Variants in RNF146 observed in about 807,000 individuals in gnomAD.
RNF146 encodes ring finger protein 146.
Under a neutral mutation model 29.7 loss-of-function variants are expected in RNF146, and 11 were observed. The ratio of observed to expected loss-of-function variants is 0.37; its 90% CI spans 0.23 to 0.61. The LOEUF is 0.61. Ranked by LOEUF, RNF146 falls within the 20% of genes least tolerant of loss-of-function variation. RNF146 has a pLI of 0.66. For synonymous variants in RNF146, 150 were observed against 159.7 expected, an observed-to-expected ratio of 0.94 and a Z score of 0.46; for missense variants, 342 against 438.9, an observed-to-expected ratio of 0.78 and a Z score of 1.97.
intron 2 of RNF146, among the ~76,000 whole-genome samples, chr6:127,284,760 G>A (rs570894864): frequency 2.0e-5 from 3 of 151,902 alleles, no homozygotes; most frequent in Non-Finnish European, 2.9e-5. Flanking sequence ...ATACTAAGAC[G>A]TCCTATTAGG....
At position 127,276,124 on chromosome 6, in the gene RNF146, T is replaced by C. The variant is rs564782754; in HGVS notation, c.-108-4107T>C. Among the ~76,000 whole-genome samples, 6 of 151,994 alleles carry C rather than the reference T, an allele frequency of 3.9e-5. No individual in the cohort carries two copies. The South Asian group carries it at 1.2e-3, about 32-fold the overall frequency. On this transcript the variant is annotated intron_variant, in intron 1 of 2. Coordinates refer to ENST00000368314, the MANE Select transcript of RNF146 (RefSeq NM_001242850.2). Reference sequence around the variant, plus strand: ...AGTGAGCTATGATCATGCCACAGCATTCTAGCCTGGGAAACAGACTGTAGA... The same window carrying C: ...AGTGAGCTATGATCATGCCACAGCACTCTAGCCTGGGAAACAGACTGTAGA...
At chr6:127,281,296 T>C (rs1456901553) in intron 2 of RNF146, among the ~76,000 whole-genome samples, 1 of 151,784 alleles carries the variant, frequency 6.6e-6, no homozygotes, top group Non-Finnish European at 1.5e-5. Flanking sequence ...TCCATTTATC[T>C]ATCTGTATAC....
intron 1 of RNF146, among the ~76,000 whole-genome samples, chr6:127,269,762 TCACA>T (rs1305661195): frequency 1.3e-5 from 2 of 152,310 alleles, no homozygotes; most frequent in Admixed American, 1.3e-4. Flanking sequence ...GTCTGCTAAC[TCACA>T]CCTGATTTAT....
intron 1 of RNF146, among the ~76,000 whole-genome samples, chr6:127,274,418 C>T (rs930464332): frequency 2.6e-5 from 4 of 151,222 alleles, no homozygotes; most frequent in Non-Finnish European, 4.4e-5. Context: ...ATGGATAAGA[C>T]CTAAGTAAAG....
chr6:127,278,343 G>A (rs1275217200), intron 1 of RNF146, among the ~76,000 whole-genome samples: 2 of 151,922 alleles, frequency 1.3e-5, no homozygotes, highest in Middle Eastern at 3.4e-3. Context: ...CAGAAACTCT[G>A]TACCCATTAG....
At chr6:127,272,238 AC>A (rs1208482734) in intron 1 of RNF146, among the ~76,000 whole-genome samples, 2 of 152,072 alleles carry the variant, frequency 1.3e-5, no homozygotes, top group Non-Finnish European at 2.9e-5. Flanking sequence ...GTAGTGTTTC[AC>A]TAACTAATAT....
At chr6:127,268,212 C>T (rs1776942102) in intron 1 of RNF146, among the ~76,000 whole-genome samples, 1 of 152,132 alleles carries the variant, frequency 6.6e-6, no homozygotes, top group Non-Finnish European at 1.5e-5. Flanking sequence ...TCCCCCCCAC[C>T]TCGTGTGTGT....
rs888826825 is a variant in RNF146 at position 127,286,793 on chromosome 6, T to C, written c.180T>C (p.Cys60=). Residue 60 remains cysteine, a synonymous_variant, in exon 3 of 3, where the codon TGT becomes TGC. Coordinates refer to ENST00000368314, the MANE Select transcript of RNF146 (RefSeq NM_001242850.2). The surrounding 1 kb of genome is among the most constrained non-coding windows in gnomAD (Gnocchi z 4.6). ...GTAAGCACGTTTTCTGCTATCTATGTGTAAAAGGAGCTTCATGGCTTGGAA... is the reference window on the plus strand; with the variant it reads ...GTAAGCACGTTTTCTGCTATCTATGCGTAAAAGGAGCTTCATGGCTTGGAA... ...LPCKHVFCYL[C]VKGASWLGKR... is the part of the protein sequence containing the mutation. The C allele has an allele frequency of 6.2e-7, 1 of 1,613,334 alleles. No individual in the cohort carries two copies. Among genetic ancestry groups the C allele is most frequent in the Non-Finnish European group, 8.5e-7 (1 of 1,179,580 alleles).
chr6:127,280,671 C>G, intron 2 of RNF146: 1 of 586,526 alleles, frequency 1.7e-6, no homozygotes, highest in Non-Finnish European at 2.2e-6. Flanking sequence ...GCAAGTAGTA[C>G]TAGCTTTTGT....
At position 127,285,529 on chromosome 6, in the gene RNF146, C is replaced by CTTTTTTTTTTTTTTT. The variant is rs10669927; in HGVS notation, c.3-1084_3-1070dup. On this transcript the variant is annotated intron_variant, in intron 2 of 2. Coordinates refer to ENST00000368314, the MANE Select transcript of RNF146 (RefSeq NM_001242850.2). Reference sequence around the variant, plus strand: ...ATTATTTTCTCCCCTTTTAAAATGTCTTTTTTTTTTTTTTTTTACCATGGG... The same window carrying CTTTTTTTTTTTTTTT: ...ATTATTTTCTCCCCTTTTAAAATGTCTTTTTTTTTTTTTTTTTTTTTTTTTTTTTTTTACCATGGG... 1.5e-5 allele frequency among the ~76,000 whole-genome samples: 2 copies of CTTTTTTTTTTTTTTT among 130,000 alleles called. 1 individual carries two copies. The highest frequency in any genetic ancestry group is 3.2e-5 in the Non-Finnish European group (2 of 62,486). The allele number at this position is 130,000 out of a possible 152,430, so 85.3% of individuals were successfully genotyped here. A position where few individuals can be genotyped will look rare whatever the true frequency, so the allele number is the denominator to read the frequency against.
intron 1 of RNF146, among the ~76,000 whole-genome samples, chr6:127,274,305 T>C (rs2114442330): frequency 6.6e-6 from 1 of 152,178 alleles, no homozygotes; most frequent in East Asian, 1.9e-4. Flanking sequence ...TGTTCAAATA[T>C]GGGTTCTTTA....
intron 2 of RNF146, chr6:127,280,643 C>G: frequency 1.1e-6 from 1 of 879,232 alleles, no homozygotes; most frequent in East Asian, 7.2e-5. Flanking sequence ...TAATAATTTT[C>G]TTAAATAACT....
chr6:127,271,115 C>T (rs1275086083), intron 1 of RNF146, among the ~76,000 whole-genome samples: 1 of 152,050 alleles, frequency 6.6e-6, no homozygotes, highest in Non-Finnish European at 1.5e-5. Context: ...CACCTGGCCT[C>T]CTTACGATTT....
At chr6:127,267,421 G>T (rs1038280970) in intron 1 of RNF146, among the ~76,000 whole-genome samples, 9 of 152,152 alleles carry the variant, frequency 5.9e-5, no homozygotes, top group Non-Finnish European at 1.2e-4. Context: ...GGGACCTTCT[G>T]GCCTCGAGGT....
intron 2 of RNF146, among the ~76,000 whole-genome samples, chr6:127,284,503 A>C (rs925784356): frequency 2.0e-5 from 3 of 151,892 alleles, no homozygotes; most frequent in Admixed American, 2.0e-4. Flanking sequence ...CTTGGAACAA[A>C]AAGATTTTCA....
intron 1 of RNF146, among the ~76,000 whole-genome samples, chr6:127,277,396 T>C (rs1340393783): frequency 6.6e-6 from 1 of 151,998 alleles, no homozygotes; most frequent in Non-Finnish European, 1.5e-5. Context: ...GTGGAGTCCA[T>C]TTCATCTAAA....
intron 2 of RNF146, chr6:127,285,134 T>G: frequency 1.2e-6 from 1 of 838,176 alleles, no homozygotes; most frequent in Non-Finnish European, 1.4e-6. Flanking sequence ...AGTTCTTCCA[T>G]TGAGACTGTG....
upstream of RNF146, chr6:127,266,738 G>A (rs1204954679): frequency 6.6e-6 from 1 of 152,220 alleles, no homozygotes; most frequent in Non-Finnish European, 1.5e-5. Context: ...ACAGCGGCGC[G>A]AGACAGGGGC....
intron 1 of RNF146, among the ~76,000 whole-genome samples, chr6:127,268,052 T>C (rs1199480857): frequency 6.6e-6 from 1 of 152,194 alleles, no homozygotes; most frequent in East Asian, 1.9e-4. Flanking sequence ...TAAGTGCCAT[T>C]TTAGTGAGCA....
Sources: gnomAD v4.1 joint callset for allele counts (sites outside exome capture counted in the v4.1 genomes callset) on GRCh38, gnomAD v4.1.1 for gene constraint, Gnocchi (gnomAD v3.1) non-coding constraint, MANE v1.5 for transcripts, NCBI Gene and HGNC (gene_info 2026-07-23, HGNC 2026-07-21) for gene names.